The following DOCK11 variants were observed in gnomAD, a reference collection of about 807,000 sequenced individuals.
DOCK11 encodes dedicator of cytokinesis 11.
In DOCK11, 70 loss-of-function variants were observed where a neutral mutation model predicts 169.1. That is an observed-to-expected ratio of 0.41 (90% CI 0.34 to 0.51). The LOEUF is 0.51. DOCK11 is among the 20% of genes least tolerant of loss of function. The probability of loss-of-function intolerance (pLI) is 0.10; values close to 1 mark genes in which losing one functional copy is unlikely to be tolerated. For missense variants in DOCK11, 1,166 were observed against 1,538.8 expected (o/e 0.76, Z 4.05); for synonymous variants, 529 against 541.3 (o/e 0.98, Z 0.32).
intron 22 of DOCK11, among the ~76,000 whole-genome samples, chrX:118,598,406 AAAAC>A (rs1339330902): frequency 9.1e-6 from 1 of 110,342 alleles, no homozygotes; most frequent in Non-Finnish European, 1.9e-5. Context: ...AAAAAAAAAA[AAAAC>A]AGTCATTCTA....
chrX:118,532,990 T>G (rs182372584), intron 1 of DOCK11, among the ~76,000 whole-genome samples: 2 of 110,933 alleles, frequency 1.8e-5, no homozygotes, highest in African/African-American at 6.6e-5. Flanking sequence ...TGTTTGTTTG[T>G]TTGTTGTTAT....
At chrX:118,524,914 C>T (rs2011340706) in intron 1 of DOCK11, among the ~76,000 whole-genome samples, 1 of 110,975 alleles carries the variant, frequency 9.0e-6, no homozygotes, top group Non-Finnish European at 1.9e-5. Flanking sequence ...TTGGGAGAGG[C>T]AGGCAGATCA....
At chrX:118,565,329 G>T (rs1270110810) in intron 7 of DOCK11, among the ~76,000 whole-genome samples, 1 of 111,939 alleles carries the variant, frequency 8.9e-6, no homozygotes. Context: ...ATGTGCAAAT[G>T]ATCGAATCAG....
intron 31 of DOCK11, among the ~76,000 whole-genome samples, chrX:118,622,509 C>A (rs2014999568): frequency 9.0e-6 from 1 of 111,474 alleles, no homozygotes; most frequent in Non-Finnish European, 1.9e-5. Context: ...TGTGTTCCTG[C>A]TTCCCTGAGA....
At chrX:118,563,409 A>C (rs1043546296) in intron 7 of DOCK11, among the ~76,000 whole-genome samples, 1 of 110,920 alleles carries the variant, frequency 9.0e-6, no homozygotes, top group Non-Finnish European at 1.9e-5. Context: ...ACGCCTGTGG[A>C]ATTAGCCAGT....
chrX:118,525,144 CAA>C (rs369554511), intron 1 of DOCK11, among the ~76,000 whole-genome samples: 1 of 79,179 alleles, frequency 1.3e-5, no homozygotes, highest in Non-Finnish European at 2.5e-5. Context: ...GACTCTGTCT[CAA>C]AAAAAAAAAA....
chrX:118,678,345 C>G (rs1358805132), intron 48 of DOCK11, among the ~76,000 whole-genome samples: 1 of 111,617 alleles, frequency 9.0e-6, no homozygotes, highest in Non-Finnish European at 1.9e-5. Flanking sequence ...TCTAAATGTC[C>G]ATATGGTTAA....
At chrX:118,561,633 C>T (rs111685543) in intron 7 of DOCK11, 116 bp downstream of exon 7, 14 of 757,078 alleles carry the variant, frequency 1.8e-5, no homozygotes, top group African/African-American at 1.5e-4. Flanking sequence ...CTTTGAGAGG[C>T]TGAGGCAGGA....
intron 44 of DOCK11, among the ~76,000 whole-genome samples, chrX:118,657,838 G>A (rs758556938): frequency 1.5e-4 from 17 of 110,448 alleles, no homozygotes; most frequent in South Asian, 7.6e-4. Context: ...ACTGGGGGTG[G>A]GGGCCAGGGA....
chrX:118,608,356 G>A lies in DOCK11; in HGVS notation c.2877G>A (p.Lys959=). ...ADFLSINKLL[K]YSWFFFEIIA... ...TTTTATCAATAAACAAATTGCTAAAGGTATGAACACAGGACACAACAAGGA... is the reference window on the plus strand; with the variant it reads ...TTTTATCAATAAACAAATTGCTAAAAGTATGAACACAGGACACAACAAGGA... Residue 959 remains lysine, a splice_region_variant and synonymous_variant, in exon 26 of 53, where the codon AAG becomes AAA. Transcript: ENST00000276202. The A allele has an allele frequency of 8.3e-7, 1 of 1,203,681 alleles. No homozygotes were observed. The highest frequency in any genetic ancestry group is 1.8e-5 in the South Asian group (1 of 55,319).
chrX:118,600,905 T>C (rs1264042555), intron 23 of DOCK11, among the ~76,000 whole-genome samples: 1 of 110,325 alleles, frequency 9.1e-6, no homozygotes, highest in African/African-American at 3.3e-5. Context: ...CTTGGGGAGG[T>C]TGCTGGGAGC....
chrX:118,602,251 A>T (rs1303289859), intron 23 of DOCK11, among the ~76,000 whole-genome samples: 1 of 109,505 alleles, frequency 9.1e-6, no homozygotes. Flanking sequence ...TTGTTCCTAT[A>T]AATGACATTG....
Position 118,630,467 on chromosome X carries a change from A to G in DOCK11, c.3863A>G (p.Tyr1288Cys). ...EIRSLLMCYL[Y>C]IVKMISEDTL... ...AGAAGCCTCCTGATGTGCTACCTGT[A>G]TATAGTAAAAATGATTTCAGAAGGT... Residue 1288 changes from tyrosine to cysteine, a missense_variant, in exon 35 of 53, where the codon TAT (tyrosine) becomes TGT (cysteine). Physicochemically the swap from Tyr to Cys is radical, Grantham distance 194. Transcript: ENST00000276202. 2 of 1,201,838 alleles carry G rather than the reference A, an allele frequency of 1.7e-6. No homozygotes were observed. The highest frequency in any genetic ancestry group is 2.3e-6 in the Non-Finnish European group (2 of 887,077).
chrX:118,594,344 A>G (rs370993139), intron 20 of DOCK11, among the ~76,000 whole-genome samples: 2 of 112,141 alleles, frequency 1.8e-5, no homozygotes, highest in African/African-American at 6.5e-5. Flanking sequence ...TTCTGCATAC[A>G]GGTTGAGCAT....
intron 14 of DOCK11, 41 bp from the exon 15 acceptor site, chrX:118,584,694 G>T: frequency 9.3e-7 from 1 of 1,072,478 alleles, no homozygotes; most frequent in Non-Finnish European, 1.2e-6. Flanking sequence ...TATCAACATG[G>T]AATTTTTTTT....
intron 14 of DOCK11, among the ~76,000 whole-genome samples, chrX:118,580,465 C>T (rs1276493276): frequency 1.8e-5 from 2 of 111,357 alleles, no homozygotes; most frequent in African/African-American, 3.3e-5. Flanking sequence ...TACAGGCATG[C>T]GCCACCACAC....
At chrX:118,654,224 A>G (rs974208406) in intron 42 of DOCK11, among the ~76,000 whole-genome samples, 8 of 112,327 alleles carry the variant, frequency 7.1e-5, no homozygotes, top group Non-Finnish European at 1.3e-4. Flanking sequence ...TAAAACATGT[A>G]AAGAACCCAG....
intron 44 of DOCK11, among the ~76,000 whole-genome samples, chrX:118,656,503 G>GT (rs779015440): frequency 0.01 from 1,153 of 110,638 alleles, 9 homozygotes; most frequent in Non-Finnish European, 0.016. Flanking sequence ...CCATTTGAGG[G>GT]TTTTTTTAAA....
chrX:118,674,231 A>G (rs985069177), intron 46 of DOCK11, among the ~76,000 whole-genome samples: 3 of 110,644 alleles, frequency 2.7e-5, no homozygotes, highest in Non-Finnish European at 5.7e-5. Flanking sequence ...GCTCACCGCA[A>G]CCTCCGCCTC....
Sources: allele counts gnomAD v4.1 joint callset (sites outside exome capture counted in the v4.1 genomes callset), GRCh38; gene constraint gnomAD v4.1.1; transcripts MANE v1.5; gene names NCBI Gene and HGNC (gene_info 2026-07-23, HGNC 2026-07-21).